Variants in FRMD5 observed in about 807,000 individuals in gnomAD.
The protein encoded by FRMD5 is FERM domain containing 5.
Under a neutral mutation model 69.0 loss-of-function variants are expected in FRMD5, and 20 were observed. That is an observed-to-expected ratio of 0.29 (90% CI 0.20 to 0.42). The LOEUF is 0.42. Ranked by LOEUF, FRMD5 falls within the 10% of genes least tolerant of loss-of-function variation. The pLI is 1.00. For synonymous variants in FRMD5, 271 were observed against 260.1 expected (o/e 1.04, Z -0.40); for missense variants, 595 against 708.6 (o/e 0.84, Z 1.82).
At chr15:44,044,320 G>A (rs1253232532) in intron 1 of FRMD5, among the ~76,000 whole-genome samples, 1 of 152,210 alleles carries the variant, frequency 6.6e-6, no homozygotes, top group African/African-American at 2.4e-5. Flanking sequence ...TACACTGTTG[G>A]TGGGACTGTA....
chr15:43,919,630 C>A, intron 3 of FRMD5, 93 bp from the exon 4 acceptor site: 1 of 1,457,024 alleles, frequency 6.9e-7, no homozygotes, highest in Non-Finnish European at 9.6e-7. Context: ...CAGAAGAGAA[C>A]CCTCATATAT....
intron 1 of FRMD5, among the ~76,000 whole-genome samples, chr15:43,999,973 T>TGCCATGC (rs1555392734): frequency 7.3e-4 from 41 of 56,536 alleles, no homozygotes; most frequent in African/African-American, 2.0e-3. Context: ...TATATATATA[T>TGCCATGC]ATATATATAT....
At chr15:43,944,847 T>C (rs950623022) in intron 1 of FRMD5, among the ~76,000 whole-genome samples, 8 of 152,178 alleles carry the variant, frequency 5.3e-5, no homozygotes, top group Non-Finnish European at 1.0e-4. Flanking sequence ...CATTTGCCTC[T>C]CTCCTTTCTG....
intron 1 of FRMD5, among the ~76,000 whole-genome samples, chr15:43,985,008 C>T (rs1210955807): frequency 1.3e-5 from 2 of 148,460 alleles, no homozygotes; most frequent in African/African-American, 2.5e-5. Flanking sequence ...AGGCCGGGCA[C>T]GGTGGCTCAC....
At chr15:43,992,227 C>A (rs1204035597) in intron 1 of FRMD5, among the ~76,000 whole-genome samples, 3 of 151,994 alleles carry the variant, frequency 2.0e-5, no homozygotes. Flanking sequence ...TTGTTTTAAT[C>A]TGACGTGGAG....
intron 1 of FRMD5, among the ~76,000 whole-genome samples, chr15:44,022,515 A>C (rs1182234919): frequency 2.2e-5 from 3 of 136,224 alleles, no homozygotes; most frequent in Non-Finnish European, 4.6e-5. Context: ...CAGAGGTTGC[A>C]GTGAGCTGAG....
chr15:44,113,092 C>T (rs1331491975), intron 1 of FRMD5, among the ~76,000 whole-genome samples: 2 of 152,160 alleles, frequency 1.3e-5, no homozygotes, highest in Admixed American at 1.3e-4. Context: ...CAGAGAAGAT[C>T]AAAGGGTACC....
At chr15:44,131,705 G>A (rs763142525) in intron 1 of FRMD5, among the ~76,000 whole-genome samples, 1 of 152,184 alleles carries the variant, frequency 6.6e-6, no homozygotes, top group Non-Finnish European at 1.5e-5. Context: ...GAGAAATACT[G>A]AATAAATCCA....
chr15:44,016,471 C>T (rs1228071653), intron 1 of FRMD5, among the ~76,000 whole-genome samples: 1 of 152,062 alleles, frequency 6.6e-6, no homozygotes, highest in Non-Finnish European at 1.5e-5. Context: ...AACTGTAATC[C>T]CAGCACTTTG....
chr15:43,960,661 G>A (rs900270667), intron 1 of FRMD5, among the ~76,000 whole-genome samples: 1 of 152,224 alleles, frequency 6.6e-6, no homozygotes, highest in African/African-American at 2.4e-5. Flanking sequence ...TGGGATTACA[G>A]GCGTGAGCCA....
At chr15:44,119,121 A>C (rs1335881214) in intron 1 of FRMD5, among the ~76,000 whole-genome samples, 1 of 151,816 alleles carries the variant, frequency 6.6e-6, no homozygotes. Flanking sequence ...ACACCCAGTT[A>C]ATTTTTTTTA....
chr15:44,142,805 G>A (rs558124189), intron 1 of FRMD5, among the ~76,000 whole-genome samples: 2 of 152,262 alleles, frequency 1.3e-5, no homozygotes, highest in South Asian at 2.1e-4. Context: ...AAGAGTAAAC[G>A]TAGGCCGGGC....
chr15:44,076,358 G>A (rs1189799358), intron 1 of FRMD5, among the ~76,000 whole-genome samples: 1 of 149,734 alleles, frequency 6.7e-6, no homozygotes, highest in Admixed American at 6.7e-5. Context: ...CAATAGCAAA[G>A]ACTTGGAACC....
chr15:44,169,456 T>C lies in FRMD5; in HGVS notation c.102+25497A>G, dbSNP rs1044719604. Among the ~76,000 whole-genome samples, 27 of 148,576 alleles carry C rather than the reference T, an allele frequency of 1.8e-4. 2 individuals carry two copies. Among genetic ancestry groups the C allele is most frequent in the Non-Finnish European group, 3.0e-5 (2 of 67,064 alleles). On this transcript the variant is annotated intron_variant, in intron 1 of 13. Coordinates refer to ENST00000417257, the MANE Select transcript of FRMD5 (RefSeq NM_032892.5). ...CTAAGATCACCAGGTGGAAAGGGAG[T>C]AGAGAGAAGTGAAGCTCCTAAGAAA...
chr15:43,905,959 A>G lies in FRMD5; in HGVS notation c.428-8T>C. The G allele has an allele frequency of 6.2e-7, 1 of 1,614,206 alleles. No homozygotes were observed. Among genetic ancestry groups the G allele is most frequent in the Admixed American group, 1.7e-5 (1 of 60,020 alleles). Reference sequence around the variant, plus strand: ...CATAATCCCCAATCTCCGCTTTCAAAAGGAAGGTGGAAGAAAACAATTGTG... The same window carrying G: ...CATAATCCCCAATCTCCGCTTTCAAGAGGAAGGTGGAAGAAAACAATTGTG... On this transcript the variant is annotated splice_region_variant and splice_polypyrimidine_tract_variant and intron_variant, in intron 5 of 13. Transcript: ENST00000417257.
chr15:44,119,440 G>T (rs774984797), intron 1 of FRMD5, among the ~76,000 whole-genome samples: 4 of 152,012 alleles, frequency 2.6e-5, no homozygotes, highest in Non-Finnish European at 5.9e-5. Context: ...ATTCTAGGTT[G>T]TTTTTTTCTT....
rs533043457 is a variant in FRMD5, at chr15:43,894,397, A to G, written c.640-2328T>C. On this transcript the variant is annotated intron_variant, in intron 7 of 13. Transcript: ENST00000417257. ...CTTATTGTGTGAATGGTGGTATAGAAAGGGTCTCAGAAAATGTTGAGCAGA... is the reference window on the plus strand; with the variant it reads ...CTTATTGTGTGAATGGTGGTATAGAGAGGGTCTCAGAAAATGTTGAGCAGA... Among the ~76,000 whole-genome samples, 8 of 152,252 alleles carry G rather than the reference A, an allele frequency of 5.3e-5. No homozygotes were observed. In the South Asian group the frequency reaches 1.7e-3, roughly 32 times the overall value.
intron 1 of FRMD5, among the ~76,000 whole-genome samples, chr15:43,996,086 G>A (rs1391958662): frequency 1.3e-5 from 2 of 152,146 alleles, no homozygotes; most frequent in Non-Finnish European, 2.9e-5. Flanking sequence ...CACTGGGGCA[G>A]GCTTAAAGCC....
In FRMD5 at chr15:44,195,186, C is replaced by G. The variant is rs1329081014; in HGVS notation, c.-132G>C. The G allele has an allele frequency of 4.6e-5, 29 of 632,376 alleles. No homozygotes were observed. The highest frequency in any genetic ancestry group is 9.9e-5 in the Admixed American group (3 of 30,328). 39.2% of individuals were successfully genotyped at this position (632,376 alleles called of 1,614,324 possible). A position where few individuals can be genotyped will look rare whatever the true frequency, so the allele number is the denominator to read the frequency against. On this transcript the variant is annotated 5_prime_UTR_variant, in exon 1 of 14. Transcript: ENST00000417257. The stretch of plus-strand genomic sequence containing the variant: ...CCCGGCCCCGTCGCTGCCGTTGCCT[C>G]CTGCTGGCCTCGTTCCTCCTCCTTA...
Sources: allele counts gnomAD v4.1 joint callset (sites outside exome capture counted in the v4.1 genomes callset), GRCh38; gene constraint gnomAD v4.1.1; transcripts MANE v1.5; gene names NCBI Gene and HGNC (gene_info 2026-07-23, HGNC 2026-07-21).